The following KCNH7 variants were observed in gnomAD, a reference collection of about 807,000 sequenced individuals.
KCNH7 encodes voltage-gated inwardly rectifying potassium channel KCNH7.
KCNH7 carries 49 observed loss-of-function variants against 120.8 expected under a neutral mutation model. The observed-to-expected ratio is 0.41, with a 90% confidence interval of 0.32 to 0.51. The LOEUF (loss-of-function observed/expected upper bound fraction) is 0.51. Among genes scored for constraint, KCNH7 ranks in the 20% least tolerant of loss-of-function variants. The pLI, the probability that KCNH7 is intolerant of heterozygous loss-of-function variation, is 0.38. For missense variants in KCNH7, 1,097 were observed against 1,446.6 expected, an observed-to-expected ratio of 0.76 and a Z score of 3.92; for synonymous variants, 547 against 516.1, an observed-to-expected ratio of 1.06 and a Z score of -0.81.
intron 2 of KCNH7, among the ~76,000 whole-genome samples, chr2:162,731,953 C>T (rs952864447): frequency 1.3e-5 from 2 of 152,042 alleles, no homozygotes; most frequent in African/African-American, 4.8e-5. Flanking sequence ...CTGTTAACTC[C>T]TGGCAGATAA....
chr2:162,650,031 C>T (rs372302392), intron 2 of KCNH7, among the ~76,000 whole-genome samples: 1 of 152,096 alleles, frequency 6.6e-6, no homozygotes, highest in East Asian at 1.9e-4. Context: ...CTTAAATAAG[C>T]TACAGAGTTT....
At chr2:162,587,389 T>C (rs1559031102) in intron 2 of KCNH7, among the ~76,000 whole-genome samples, 1 of 152,132 alleles carries the variant, frequency 6.6e-6, no homozygotes, top group Non-Finnish European at 1.5e-5. Flanking sequence ...TGACATCAAC[T>C]CACAATAACT....
At chr2:162,662,210 C>T (rs1684987289) in intron 2 of KCNH7, among the ~76,000 whole-genome samples, 1 of 152,088 alleles carries the variant, frequency 6.6e-6, no homozygotes, top group Non-Finnish European at 1.5e-5. Flanking sequence ...TTGCAGTGAG[C>T]CACAATCGCG....
intron 2 of KCNH7, among the ~76,000 whole-genome samples, chr2:162,651,359 C>T (rs1684559093): frequency 6.6e-6 from 1 of 152,038 alleles, no homozygotes; most frequent in African/African-American, 2.4e-5. Context: ...ACTCCTCTCC[C>T]TCCTCCCACC....
chr2:162,622,476 T>A (rs2105197722), intron 2 of KCNH7, among the ~76,000 whole-genome samples: 1 of 152,304 alleles, frequency 6.6e-6, no homozygotes, highest in Non-Finnish European at 1.5e-5. Flanking sequence ...GTCAAATGGA[T>A]TTAAATTAGT....
intron 2 of KCNH7, among the ~76,000 whole-genome samples, chr2:162,715,917 T>G (rs1172785060): frequency 6.6e-6 from 1 of 151,630 alleles, no homozygotes; most frequent in Non-Finnish European, 1.5e-5. Context: ...ATGTTTACAG[T>G]ATAGATCTTT....
intron 3 of KCNH7, among the ~76,000 whole-genome samples, chr2:162,520,499 C>T (rs1691482880): frequency 6.6e-6 from 1 of 151,738 alleles, no homozygotes; most frequent in South Asian, 2.1e-4. Flanking sequence ...GTGGCTTATG[C>T]CTGTAATGCC....
chr2:162,439,003 G>A (rs778656213), intron 7 of KCNH7, among the ~76,000 whole-genome samples: 26 of 151,992 alleles, frequency 1.7e-4, no homozygotes, highest in Non-Finnish European at 3.7e-4. Flanking sequence ...TATGTTACCT[G>A]CAAGTGAAAC....
chr2:162,592,812 G>A (rs1378107958), intron 2 of KCNH7, among the ~76,000 whole-genome samples: 2 of 152,020 alleles, frequency 1.3e-5, no homozygotes, highest in Non-Finnish European at 2.9e-5. Flanking sequence ...AGCTGGCCAC[G>A]TTTACAAATA....
chr2:162,709,085 T>C (rs1219335602), intron 2 of KCNH7, among the ~76,000 whole-genome samples: 1 of 152,088 alleles, frequency 6.6e-6, no homozygotes, highest in Non-Finnish European at 1.5e-5. Context: ...GTAACCCTAC[T>C]ATGCCCTAAG....
chr2:162,762,886 G>A (rs1021304645), intron 2 of KCNH7, among the ~76,000 whole-genome samples: 4 of 151,988 alleles, frequency 2.6e-5, no homozygotes, highest in Admixed American at 6.6e-5. Flanking sequence ...TCTAGAATAA[G>A]CAATCAATAT....
At chr2:162,732,566 A>G (rs1687769090) in intron 2 of KCNH7, among the ~76,000 whole-genome samples, 1 of 152,146 alleles carries the variant, frequency 6.6e-6, no homozygotes, top group Non-Finnish European at 1.5e-5. Context: ...AATGGAAGGA[A>G]GATAGAATTG....
intron 6 of KCNH7, among the ~76,000 whole-genome samples, chr2:162,492,129 G>A (rs1237834200): frequency 2.6e-5 from 4 of 152,184 alleles, no homozygotes; most frequent in Non-Finnish European, 4.4e-5. Flanking sequence ...CCAGTTGAAT[G>A]AATGATAAAA....
intron 2 of KCNH7, among the ~76,000 whole-genome samples, chr2:162,602,219 C>T (rs574636216): frequency 2.0e-5 from 3 of 152,162 alleles, no homozygotes; most frequent in African/African-American, 4.8e-5. Context: ...CAATAGGTGT[C>T]TCCCGAGTGA....
intron 2 of KCNH7, among the ~76,000 whole-genome samples, chr2:162,702,442 C>T (rs1042658097): frequency 2.0e-5 from 3 of 151,998 alleles, no homozygotes; most frequent in Admixed American, 6.6e-5. Flanking sequence ...CAATATAATG[C>T]GTTATCACTT....
chr2:162,390,897 G>T (rs1686725747), intron 12 of KCNH7, among the ~76,000 whole-genome samples: 1 of 151,884 alleles, frequency 6.6e-6, no homozygotes. Context: ...CTTTCCAGAG[G>T]CTGTACATAT....
chr2:162,485,429 A>G (rs1574015681), intron 6 of KCNH7, among the ~76,000 whole-genome samples: 1 of 152,324 alleles, frequency 6.6e-6, no homozygotes, highest in East Asian at 1.9e-4. Context: ...GTAAAGTGGA[A>G]AGAAGTAATA....
At chr2:162,671,958 C>T (rs1296927040) in intron 2 of KCNH7, among the ~76,000 whole-genome samples, 1 of 151,826 alleles carries the variant, frequency 6.6e-6, no homozygotes. Flanking sequence ...AATGAGATAG[C>T]ACAATAAACA....
At chr2:162,580,757 A>G (rs530112815) in intron 2 of KCNH7, among the ~76,000 whole-genome samples, 7 of 152,122 alleles carry the variant, frequency 4.6e-5, no homozygotes, top group Admixed American at 2.0e-4. Context: ...TTAGCAGAGC[A>G]GAGTCAGGGA....
Sources: gnomAD v4.1 joint callset for allele counts (sites outside exome capture counted in the v4.1 genomes callset) on GRCh38, gnomAD v4.1.1 for gene constraint, MANE v1.5 for transcripts, NCBI Gene and HGNC (gene_info 2026-07-23, HGNC 2026-07-21) for gene names.